GATB: variants seen among roughly 807,000 people sequenced by gnomAD.
GATB encodes glutamyl-tRNA amidotransferase subunit B, also known as glutamyl-tRNA(Gln) amidotransferase subunit B, mitochondrial.
GATB carries 39 observed loss-of-function variants against 62.3 expected under a neutral mutation model. The observed-to-expected ratio is 0.63, with a 90% CI of 0.48 to 0.82. The LOEUF is 0.82. Ranked by LOEUF, GATB falls within the 40% of genes least tolerant of loss-of-function variation. The probability of loss-of-function intolerance (pLI) is 0.00; values close to 1 mark genes in which losing one functional copy is unlikely to be tolerated. For synonymous variants in GATB, 276 were observed against 258.9 expected (o/e 1.07, Z -0.63); for missense variants, 670 against 684.0 (o/e 0.98, Z 0.23).
At chr4:151,718,131 C>T (rs1738950909) in intron 3 of GATB, among the ~76,000 whole-genome samples, 1 of 152,142 alleles carries the variant, frequency 6.6e-6, no homozygotes, top group South Asian at 2.1e-4. Context: ...TTCAGTAGGT[C>T]GAGGGTGGGG....
intron 9 of GATB, 72 bp from the exon 10 acceptor site, chr4:151,688,835 T>C (rs1738306654): frequency 1.4e-6 from 2 of 1,447,382 alleles, no homozygotes; most frequent in Non-Finnish European, 1.8e-6. Flanking sequence ...TGAAGGCAAA[T>C]CTGAAACTGT....
At chr4:151,688,908 A>T in intron 9 of GATB, 145 bp from the exon 10 acceptor site, 1 of 684,900 alleles carries the variant, frequency 1.5e-6, no homozygotes, top group East Asian at 2.7e-5. Context: ...TCACCAGAAC[A>T]TTCTGATCAC....
chr4:151,697,965 A>ATGTG lies in GATB; in HGVS notation c.1197+3363_1197+3364insCACA, dbSNP rs1482204192. On this transcript the variant is annotated intron_variant, in intron 9 of 12. Transcript: ENST00000263985. ...TGTGTGTGTGTGTGTATATATATAT[A>ATGTG]TATATATATATATATATATATATAT... Among the ~76,000 whole-genome samples the ATGTG allele has an allele frequency of 9.0e-4, 98 of 108,946 alleles. 2 individuals are homozygous for ATGTG. Among genetic ancestry groups the ATGTG allele is most frequent in the African/African-American group, 4.4e-3 (89 of 20,034 alleles). 71.5% of individuals were successfully genotyped at this position (108,946 alleles called of 152,430 possible).
At chr4:151,759,771 C>T (rs1426656431) in intron 1 of GATB, among the ~76,000 whole-genome samples, 1 of 151,940 alleles carries the variant, frequency 6.6e-6, no homozygotes, top group Non-Finnish European at 1.5e-5. Context: ...GCTCTTCTCC[C>T]AAGTAATTTT....
intron 2 of GATB, among the ~76,000 whole-genome samples, chr4:151,742,253 TA>T (rs1298810795): frequency 6.6e-6 from 1 of 152,118 alleles, no homozygotes; most frequent in African/African-American, 2.4e-5. Context: ...CGCACCCGGC[TA>T]ATTTCTTGTA....
chr4:151,688,078 G>A (rs778078598), intron 10 of GATB, among the ~76,000 whole-genome samples: 5 of 152,126 alleles, frequency 3.3e-5, no homozygotes, highest in Non-Finnish European at 5.9e-5. Context: ...GCCTGCCTCC[G>A]GCCCCTGCAG....
intron 1 of GATB, 51 bp from the exon 2 acceptor site, chr4:151,758,973 TGAATTTC>T (rs1560869482): frequency 7.4e-7 from 1 of 1,352,718 alleles, no homozygotes; most frequent in Admixed American, 2.2e-5. Context: ...TCACCATGAA[TGAATTTC>T]TATAAGTCTA....
At chr4:151,755,199 C>T (rs1560868169) in intron 2 of GATB, among the ~76,000 whole-genome samples, 1 of 152,116 alleles carries the variant, frequency 6.6e-6, no homozygotes, top group African/African-American at 2.4e-5. Context: ...TCAATTATCT[C>T]CATTTTATAA....
At chr4:151,722,316 C>T in intron 2 of GATB, 1 of 666,118 alleles carries the variant, frequency 1.5e-6, no homozygotes, top group South Asian at 1.7e-5. Flanking sequence ...GCAGTGGTGA[C>T]ATGAACCTGC....
intron 2 of GATB, among the ~76,000 whole-genome samples, chr4:151,748,398 A>G (rs1460289292): frequency 6.6e-6 from 1 of 152,278 alleles, no homozygotes; most frequent in Non-Finnish European, 1.5e-5. Context: ...ACTGACAAAA[A>G]CAAGAAATCG....
At chr4:151,753,138 G>A (rs1207097329) in intron 2 of GATB, among the ~76,000 whole-genome samples, 1 of 152,172 alleles carries the variant, frequency 6.6e-6, no homozygotes, top group Non-Finnish European at 1.5e-5. Flanking sequence ...TACAGATGCT[G>A]TCTGATACCG....
chr4:151,757,386 C>A (rs1739853332), intron 2 of GATB, among the ~76,000 whole-genome samples: 1 of 152,114 alleles, frequency 6.6e-6, no homozygotes, highest in African/African-American at 2.4e-5. Flanking sequence ...GAGGCACTGC[C>A]CAGAATCTTC....
chr4:151,696,115 C>T (rs2126965272), intron 9 of GATB, among the ~76,000 whole-genome samples: 1 of 152,130 alleles, frequency 6.6e-6, no homozygotes, highest in Non-Finnish European at 1.5e-5. Context: ...CAAGTGCTTC[C>T]AGCAGAAGGT....
rs112756230 is a variant in GATB, at chr4:151,733,421, A to G, written c.328-13883T>C. ...ACAACTCTCCTAACTTAAATCAGGA[A>G]GAATTAGATACCCTGAACAGACCAA... On this transcript the variant is annotated intron_variant, in intron 2 of 12. Transcript: ENST00000263985. Among the ~76,000 whole-genome samples the G allele has an allele frequency of 9.3e-3, 1,414 of 152,324 alleles. 21 individuals are homozygous for G. The highest frequency in any genetic ancestry group is 0.032 in the African/African-American group (1,323 of 41,568).
chr4:151,697,957 A>ATATATATATGTGTG (rs1330151327), intron 9 of GATB, among the ~76,000 whole-genome samples: 1 of 49,698 alleles, frequency 2.0e-5, no homozygotes, highest in African/African-American at 8.9e-5. Context: ...GTGTGTGTAT[A>ATATATATATGTGTG]TATATATATA....
In GATB at chr4:151,739,950, A is replaced by G. The variant is rs1227636040; in HGVS notation, c.327+18822T>C. 2.6e-5 allele frequency among the ~76,000 whole-genome samples: 4 copies of G among 152,356 alleles called. No individual in the cohort carries two copies. In the East Asian group the frequency reaches 7.7e-4, roughly 29 times the overall value. On this transcript the variant is annotated intron_variant, in intron 2 of 12. Transcript: ENST00000263985. ...CAGTCAGCTCTACTCTGGCGACATG[A>G]TAAGCTTTCTGCAGAAGCAAGTTCG...
At chr4:151,692,747 T>C (rs1212820679) in intron 9 of GATB, among the ~76,000 whole-genome samples, 1 of 152,238 alleles carries the variant, frequency 6.6e-6, no homozygotes, top group African/African-American at 2.4e-5. Context: ...CACCCAGACC[T>C]GGACACTGCA....
At chr4:151,708,183 C>T in intron 5 of GATB, 82 bp from the exon 6 acceptor site, 1 of 871,016 alleles carries the variant, frequency 1.1e-6, no homozygotes, top group Non-Finnish European at 1.9e-6. Flanking sequence ...TCAAAGGAAG[C>T]AGCATCTAAC....
At chr4:151,679,006 C>T (rs1472758996) in intron 11 of GATB, among the ~76,000 whole-genome samples, 1 of 152,220 alleles carries the variant, frequency 6.6e-6, no homozygotes, top group East Asian at 1.9e-4. Flanking sequence ...AGTGATTCTC[C>T]TGTATCAGCC....
Sources: allele counts gnomAD v4.1 joint callset (sites outside exome capture counted in the v4.1 genomes callset), GRCh38; gene constraint gnomAD v4.1.1; transcripts MANE v1.5; gene names NCBI Gene and HGNC (gene_info 2026-07-23, HGNC 2026-07-21).